The following CTNNA3 variants were observed in gnomAD, a reference collection of about 807,000 sequenced individuals.
CTNNA3 encodes catenin alpha-3.
CTNNA3 carries 76 observed loss-of-function variants against 95.7 expected under a neutral mutation model. The ratio of observed to expected loss-of-function variants is 0.79; its 90% CI spans 0.66 to 0.96. CTNNA3 has a LOEUF of 0.96. Among genes scored for constraint, CTNNA3 ranks in the 40% least tolerant of loss-of-function variants. The pLI is 0.00. For synonymous variants in CTNNA3, 431 were observed against 374.4 expected, an observed-to-expected ratio of 1.15 and a Z score of -1.74; for missense variants, 1,191 against 1,089.8, an observed-to-expected ratio of 1.09 and a Z score of -1.31.
intron 7 of CTNNA3, among the ~76,000 whole-genome samples, chr10:67,155,877 T>C (rs191474112): frequency 6.6e-6 from 1 of 152,278 alleles, no homozygotes; most frequent in African/African-American, 2.4e-5. Context: ...TATTAATTCT[T>C]CTTTAAGTAT....
At chr10:66,086,233 G>C (rs1234331653) in intron 14 of CTNNA3, among the ~76,000 whole-genome samples, 6 of 152,072 alleles carry the variant, frequency 3.9e-5, no homozygotes, top group Non-Finnish European at 1.5e-5. Flanking sequence ...ACAGGATATA[G>C]ATGAAGCCAT....
At chr10:66,286,464 C>T (rs1461207693) in intron 12 of CTNNA3, among the ~76,000 whole-genome samples, 1 of 150,624 alleles carries the variant, frequency 6.6e-6, no homozygotes, top group Non-Finnish European at 1.5e-5. Flanking sequence ...AAGATCAAAT[C>T]TTAATTTCTT....
intron 5 of CTNNA3, among the ~76,000 whole-genome samples, chr10:67,456,335 T>C (rs1003707282): frequency 6.6e-6 from 1 of 152,142 alleles, no homozygotes; most frequent in Non-Finnish European, 1.5e-5. Context: ...ACCATCAAAA[T>C]AGTTAAATCC....
At chr10:66,311,100 T>C (rs1035836306) in intron 12 of CTNNA3, among the ~76,000 whole-genome samples, 1 of 152,206 alleles carries the variant, frequency 6.6e-6, no homozygotes, top group Admixed American at 6.5e-5. Flanking sequence ...TAGAAAAAGG[T>C]AACTATATGC....
intron 7 of CTNNA3, among the ~76,000 whole-genome samples, chr10:67,089,228 A>C (rs543921892): frequency 6.6e-6 from 1 of 152,216 alleles, no homozygotes; most frequent in African/African-American, 2.4e-5. Context: ...TTGGCAATTT[A>C]GCTCTTAAGA....
At chr10:67,124,257 A>T (rs1386483054) in intron 7 of CTNNA3, among the ~76,000 whole-genome samples, 1 of 151,804 alleles carries the variant, frequency 6.6e-6, no homozygotes, top group Non-Finnish European at 1.5e-5. Flanking sequence ...ACTTATACTT[A>T]ATTATGATTA....
chr10:67,129,429 A>G (rs1428212104), intron 7 of CTNNA3, among the ~76,000 whole-genome samples: 1 of 152,180 alleles, frequency 6.6e-6, no homozygotes, highest in Non-Finnish European at 1.5e-5. Context: ...TTAAGTTAAC[A>G]ACAATTCTGA....
At chr10:66,961,060 G>C (rs1348528588) in intron 7 of CTNNA3, among the ~76,000 whole-genome samples, 2 of 152,176 alleles carry the variant, frequency 1.3e-5, no homozygotes, top group Non-Finnish European at 2.9e-5. Context: ...ACACAAATTA[G>C]TGATACAGTA....
chr10:66,514,018 T>C (rs1840754181), intron 11 of CTNNA3, among the ~76,000 whole-genome samples: 1 of 152,194 alleles, frequency 6.6e-6, no homozygotes, highest in Non-Finnish European at 1.5e-5. Context: ...CAGGGCAGGA[T>C]GTAGTCTGGT....
rs1036417046 is a variant in CTNNA3, at chr10:67,579,026, T to C, written c.292+27831A>G. ...ATATATATATATATATATATATATA[T>C]ATATATACACACACACACATATATG... is the stretch of plus-strand genomic sequence containing the variant. On this transcript the variant is annotated intron_variant, in intron 3 of 17. Transcript: ENST00000433211. 6.4e-3 allele frequency among the ~76,000 whole-genome samples: 566 copies of C among 88,534 alleles called. 11 individuals are homozygous for C. The highest frequency in any genetic ancestry group is 0.023 in the African/African-American group (536 of 23,398). The allele number at this position is 88,534 out of a possible 152,430, so 58.1% of individuals were successfully genotyped here. A position where few individuals can be genotyped will look rare whatever the true frequency, so the allele number is the denominator to read the frequency against.
chr10:67,504,138 C>T (rs965622042), intron 5 of CTNNA3, among the ~76,000 whole-genome samples: 1 of 144,550 alleles, frequency 6.9e-6, no homozygotes, highest in Non-Finnish European at 1.5e-5. Flanking sequence ...GCCTGGGCAA[C>T]AGAGCAAGAC....
intron 15 of CTNNA3, among the ~76,000 whole-genome samples, chr10:66,001,452 G>C (rs1240102456): frequency 6.6e-6 from 1 of 152,088 alleles, no homozygotes; most frequent in Non-Finnish European, 1.5e-5. Flanking sequence ...TTAGTGCTGT[G>C]ATAAAGTAGA....
intron 7 of CTNNA3, among the ~76,000 whole-genome samples, chr10:66,966,818 C>T (rs1357738638): frequency 6.6e-6 from 1 of 152,070 alleles, no homozygotes; most frequent in African/African-American, 2.4e-5. Context: ...TGTGCTCTCA[C>T]ATCTCCATAT....
intron 1 of CTNNA3, among the ~76,000 whole-genome samples, chr10:67,742,091 A>C (rs554223545): frequency 6.6e-6 from 1 of 151,288 alleles, no homozygotes; most frequent in East Asian, 1.9e-4. Flanking sequence ...AACATTAGAC[A>C]GATCAACGAG....
At chr10:66,743,984 A>AAAG (rs1554844559) in intron 9 of CTNNA3, among the ~76,000 whole-genome samples, 8 of 146,786 alleles carry the variant, frequency 5.5e-5, no homozygotes, top group Middle Eastern at 3.7e-3. Flanking sequence ...CAAAAAAAAA[A>AAAG]AAAAAAAAAA....
rs79433762 is a variant in CTNNA3, at chr10:66,773,886, G to A, written c.1128+1558C>T. The stretch of plus-strand genomic sequence containing the variant: ...AGTAGGATTGCAATATAAAATACAA[G>A]ATGCTCGGTTACATTTGAATTTCAG... On this transcript the variant is annotated intron_variant, in intron 8 of 17. Transcript: ENST00000433211. Among the ~76,000 whole-genome samples the A allele has an allele frequency of 4.6e-3, 703 of 152,230 alleles. 5 individuals are homozygous for A. Among genetic ancestry groups the A allele is most frequent in the African/African-American group, 0.016 (685 of 41,540 alleles).
chr10:66,804,383 C>T (rs908468386), intron 7 of CTNNA3, among the ~76,000 whole-genome samples: 6 of 151,988 alleles, frequency 3.9e-5, no homozygotes, highest in Non-Finnish European at 8.8e-5. Context: ...CCTACATCCG[C>T]GCATCTGTAT....
At chr10:67,362,146 A>G (rs1030913804) in intron 5 of CTNNA3, among the ~76,000 whole-genome samples, 2 of 152,130 alleles carry the variant, frequency 1.3e-5, no homozygotes, top group African/African-American at 4.8e-5. Context: ...CCAACCAATA[A>G]AAGCCCTGAA....
intron 2 of CTNNA3, among the ~76,000 whole-genome samples, chr10:67,638,678 T>G (rs1839412833): frequency 6.6e-6 from 1 of 152,104 alleles, no homozygotes. Flanking sequence ...CACAGTGCAA[T>G]CAAACTAGAA....
Sources: gnomAD v4.1 joint callset for allele counts (sites outside exome capture counted in the v4.1 genomes callset) on GRCh38, gnomAD v4.1.1 for gene constraint, MANE v1.5 for transcripts, NCBI Gene and HGNC (gene_info 2026-07-23, HGNC 2026-07-21) for gene names.